Variants in IARS1 observed in about 807,000 individuals in gnomAD.
IARS1 encodes the protein isoleucine--tRNA ligase, cytoplasmic.
IARS1 carries 124 observed loss-of-function variants against 168.2 expected under a neutral mutation model. The ratio of observed to expected loss-of-function variants is 0.74; its 90% confidence interval spans 0.64 to 0.86. IARS1 has a LOEUF of 0.86. Ranked by LOEUF, IARS1 falls within the 40% of genes least tolerant of loss-of-function variation. The pLI, the probability that IARS1 is intolerant of heterozygous loss-of-function variation, is 0.00. For missense variants in IARS1, 1,452 were observed against 1,515.8 expected (o/e 0.96, Z 0.70); for synonymous variants, 532 against 529.4 (o/e 1.00, Z -0.07).
intron 21 of IARS1, among the ~76,000 whole-genome samples, chr9:92,252,764 CAAAAAAAAAAAAAAAA>C (rs34983021): frequency 2.9e-4 from 8 of 27,222 alleles, no homozygotes; most frequent in East Asian, 3.0e-3. Context: ...AACTCCTTCT[CAAAAAAAAAAAAAAAA>C]AAAAAAAAAA....
At chr9:92,231,272 T>C (rs1374264916) in intron 30 of IARS1, among the ~76,000 whole-genome samples, 2 of 152,250 alleles carry the variant, frequency 1.3e-5, no homozygotes, top group African/African-American at 2.4e-5. Context: ...GATCCAGCTA[T>C]TGTTTCATAA....
intron 30 of IARS1, among the ~76,000 whole-genome samples, chr9:92,231,798 T>G (rs4743868): frequency 0.11 from 17,302 of 152,050 alleles, 1,118 homozygotes; most frequent in South Asian, 0.22. Context: ...TTTAATTGAT[T>G]TAAAGAAAAA....
At chr9:92,224,830 C>T (rs1440439924) in intron 31 of IARS1, among the ~76,000 whole-genome samples, 3 of 83,120 alleles carry the variant, frequency 3.6e-5, no homozygotes, top group Admixed American at 3.2e-4. Flanking sequence ...GAGACCCTGT[C>T]TCAAAAAATA....
intron 17 of IARS1, 147 bp from the exon 18 acceptor site, chr9:92,260,381 C>T (rs945402484): frequency 2.6e-5 from 17 of 656,422 alleles, no homozygotes; most frequent in African/African-American, 2.0e-4. Flanking sequence ...ATAGGCCGGG[C>T]GCGGTGGCTC....
intron 33 of IARS1, among the ~76,000 whole-genome samples, chr9:92,216,790 A>G (rs1306628583): frequency 5.4e-5 from 6 of 111,104 alleles, no homozygotes; most frequent in Non-Finnish European, 1.1e-4. Context: ...TGAGTGACCT[A>G]CAAAGAGACT....
At chr9:92,214,694 G>T (rs1036031953) in intron 33 of IARS1, among the ~76,000 whole-genome samples, 1 of 152,166 alleles carries the variant, frequency 6.6e-6, no homozygotes, top group Non-Finnish European at 1.5e-5. Context: ...ACTCCCACCC[G>T]AATACTGCGC....
At chr9:92,262,436 T>C (rs1831657831) in intron 17 of IARS1, among the ~76,000 whole-genome samples, 1 of 152,174 alleles carries the variant, frequency 6.6e-6, no homozygotes, top group African/African-American at 2.4e-5. Context: ...TCTTAATGAC[T>C]AGAGGTAATA....
chr9:92,231,922 A>T, intron 30 of IARS1, among the ~76,000 whole-genome samples: 1 of 152,202 alleles, frequency 6.6e-6, no homozygotes, highest in Non-Finnish European at 1.5e-5. Context: ...CAACTTTTAA[A>T]TCCTACCAGG....
chr9:92,260,352 T>C (rs2133793295), intron 17 of IARS1, 118 bp from the exon 18 acceptor site: 1 of 782,276 alleles, frequency 1.3e-6, no homozygotes, highest in Non-Finnish European at 2.3e-6. Flanking sequence ...AGGAGTAACT[T>C]AGATAGAAGT....
intron 33 of IARS1, among the ~76,000 whole-genome samples, chr9:92,212,188 C>T (rs1837869798): frequency 6.6e-6 from 1 of 152,078 alleles, no homozygotes; most frequent in Non-Finnish European, 1.5e-5. Context: ...GTGGAGCAAG[C>T]AAGAAGACAT....
intron 6 of IARS1, among the ~76,000 whole-genome samples, chr9:92,284,767 T>TCAAA (rs932114161): frequency 1.4e-4 from 21 of 152,142 alleles, no homozygotes; most frequent in African/African-American, 4.8e-4. Flanking sequence ...AGACTCTGAC[T>TCAAA]CAAACAAACA....
At chr9:92,282,029 A>G (rs1834660685) in intron 6 of IARS1, among the ~76,000 whole-genome samples, 1 of 152,174 alleles carries the variant, frequency 6.6e-6, no homozygotes, top group Non-Finnish European at 1.5e-5. Context: ...GAACCCAATA[A>G]GATCTACACA....
rs190575779 is a variant in IARS1, at chr9:92,247,457, C to T, written c.2711G>A (p.Arg904His). ...AEPDHMVLGK[R>H]LKGAFKAVMT... ...CACTGCCTTAAAGGCTCCCTTCAGA[C>T]GCTTCCCCAGGACCATGTGATCTGG... The change falls in exon 26 of 34, where the codon CGT (arginine) becomes CAT (histidine). Residue 904 changes from arginine to histidine, a missense_variant. Transcript: ENST00000443024. 46 of 1,614,174 alleles carry T rather than the reference C, an allele frequency of 2.8e-5. No individual in the cohort carries two copies. The East Asian group carries it at 7.1e-4, about 25-fold the overall frequency.
chr9:92,289,037 C>T (rs1028031030), intron 2 of IARS1, among the ~76,000 whole-genome samples: 1 of 151,648 alleles, frequency 6.6e-6, no homozygotes, highest in Non-Finnish European at 1.5e-5. Flanking sequence ...GGTGAAACCC[C>T]GTCTCTACTA....
rs566936269 is a variant in IARS1, at chr9:92,275,513, T to A, written c.895-992A>T. On this transcript the variant is annotated intron_variant, in intron 9 of 33. Transcript: ENST00000443024. Reference sequence around the variant, plus strand: ...TGTAACCTAAATCACCTTGAAACATTTTAGAAGTTATAGTATGATAGGTGC... The same window carrying A: ...TGTAACCTAAATCACCTTGAAACATATTAGAAGTTATAGTATGATAGGTGC... Among the ~76,000 whole-genome samples, 10 of 152,344 alleles carry A rather than the reference T, an allele frequency of 6.6e-5. No individual in the cohort carries two copies. The South Asian group carries it at 2.1e-3, about 32-fold the overall frequency.
chr9:92,260,383 C>CT (rs1294941835), intron 17 of IARS1, 149 bp from the exon 18 acceptor site: 1 of 653,042 alleles, frequency 1.5e-6, no homozygotes, highest in African/African-American at 1.8e-5. Context: ...AGGCCGGGCG[C>CT]GGTGGCTCAC....
chr9:92,241,248 A>ATT (rs1828355936), intron 29 of IARS1, among the ~76,000 whole-genome samples: 2 of 152,256 alleles, frequency 1.3e-5, no homozygotes, highest in Admixed American at 1.3e-4. Flanking sequence ...CTGAAAAAAT[A>ATT]AACAGCCATC....
At chr9:92,236,400 G>A (rs1447947191) in intron 30 of IARS1, among the ~76,000 whole-genome samples, 1 of 151,528 alleles carries the variant, frequency 6.6e-6, no homozygotes, top group African/African-American at 2.4e-5. Flanking sequence ...TACAACTGGT[G>A]TTAATTCTGG....
intron 29 of IARS1, 105 bp from the exon 30 acceptor site, chr9:92,241,066 C>T (rs1828328309): frequency 3.2e-6 from 2 of 632,138 alleles, no homozygotes; most frequent in East Asian, 5.3e-5. Context: ...GAGCTGTACA[C>T]AATTGATAAC....
Sources: allele counts gnomAD v4.1 joint callset (sites outside exome capture counted in the v4.1 genomes callset), GRCh38; gene constraint gnomAD v4.1.1; transcripts MANE v1.5; gene names NCBI Gene and HGNC (gene_info 2026-07-23, HGNC 2026-07-21).